Variants in SORCS2 observed in about 807,000 individuals in gnomAD.
SORCS2 encodes sortilin related VPS10 domain containing receptor 2.
SORCS2 carries 100 observed loss-of-function variants against 141.6 expected under a neutral mutation model. The ratio of observed to expected loss-of-function variants is 0.71; its 90% CI spans 0.60 to 0.83. SORCS2 has a LOEUF of 0.83. Ranked by LOEUF, SORCS2 falls within the 40% of genes least tolerant of loss-of-function variation. The pLI is 0.00. For synonymous variants in SORCS2, 789 were observed against 676.9 expected, an observed-to-expected ratio of 1.17 and a Z score of -2.57; for missense variants, 1,646 against 1,560.2, an observed-to-expected ratio of 1.05 and a Z score of -0.93.
chr4:7,194,027 A>T (rs1488356063), intron 1 of SORCS2, among the ~76,000 whole-genome samples: 1 of 150,884 alleles, frequency 6.6e-6, no homozygotes, highest in African/African-American at 2.4e-5. Flanking sequence ...CCCCACCCCC[A>T]CAAAAGGGCC....
At position 7,428,110 on chromosome 4, in the gene SORCS2, G is replaced by A. The variant is rs150217449; in HGVS notation, c.548+31755G>A. 2.6e-3 allele frequency among the ~76,000 whole-genome samples: 398 copies of A among 152,296 alleles called. 1 individual carries two copies. Among genetic ancestry groups the A allele is most frequent in the African/African-American group, 9.2e-3 (381 of 41,572 alleles). ...GTCCTGGGGTGGGGCCCATCTGCCCGTGGCTTCACCTGGACCATGGAGGAC... is the reference window on the plus strand; with the variant it reads ...GTCCTGGGGTGGGGCCCATCTGCCCATGGCTTCACCTGGACCATGGAGGAC... On this transcript the variant is annotated intron_variant, in intron 2 of 26. Coordinates refer to ENST00000507866, the MANE Select transcript of SORCS2 (RefSeq NM_020777.3).
chr4:7,309,208 A>G (rs984326927), intron 1 of SORCS2, among the ~76,000 whole-genome samples: 3 of 152,120 alleles, frequency 2.0e-5, no homozygotes, highest in Non-Finnish European at 4.4e-5. Context: ...CCTGTGTGCA[A>G]GTGTGGAAGC....
At chr4:7,500,619 A>G (rs62280184) in intron 2 of SORCS2, among the ~76,000 whole-genome samples, 44 of 100,876 alleles carry the variant, frequency 4.4e-4, no homozygotes, top group African/African-American at 2.4e-3. Flanking sequence ...TAACCACAGA[A>G]AGCACCAGTG....
chr4:7,375,108 C>A (rs1722554476), intron 1 of SORCS2, among the ~76,000 whole-genome samples: 1 of 152,138 alleles, frequency 6.6e-6, no homozygotes. Flanking sequence ...TTGGAGGCTG[C>A]CTTGTCTAAC....
At chr4:7,655,695 G>A (rs1257478745) in intron 5 of SORCS2, among the ~76,000 whole-genome samples, 1 of 152,232 alleles carries the variant, frequency 6.6e-6, no homozygotes, top group Admixed American at 6.5e-5. Context: ...TCCATCACTG[G>A]CCTTGTCATT....
intron 5 of SORCS2, among the ~76,000 whole-genome samples, chr4:7,656,944 CCCCGGCCAGCT>C (rs1721817119): frequency 6.6e-6 from 1 of 152,266 alleles, no homozygotes; most frequent in South Asian, 2.1e-4. Flanking sequence ...GGCCGCCTGC[CCCCGGCCAGCT>C]CACTGGCCTG....
chr4:7,594,097 C>A (rs559122112), intron 3 of SORCS2, among the ~76,000 whole-genome samples: 1 of 152,330 alleles, frequency 6.6e-6, no homozygotes, highest in East Asian at 1.9e-4. Flanking sequence ...CCTGCCCTCA[C>A]AATGCCCCCA....
intron 2 of SORCS2, among the ~76,000 whole-genome samples, chr4:7,472,870 G>T (rs1049326198): frequency 6.6e-6 from 1 of 152,002 alleles, no homozygotes; most frequent in Non-Finnish European, 1.5e-5. Context: ...CGCTCAGATG[G>T]TGAAGAAGAA....
intron 1 of SORCS2, among the ~76,000 whole-genome samples, chr4:7,391,648 C>T (rs578252356): frequency 5.9e-5 from 9 of 152,098 alleles, no homozygotes; most frequent in East Asian, 3.9e-4. Context: ...TGGAATAAAG[C>T]GAGAGTCAGT....
chr4:7,252,300 T>A (rs999903862), intron 1 of SORCS2, among the ~76,000 whole-genome samples: 10 of 151,200 alleles, frequency 6.6e-5, no homozygotes, highest in Non-Finnish European at 1.3e-4. Flanking sequence ...GAGGGGCCAG[T>A]GTGGCTGGGA....
At chr4:7,543,739 TCCACCCATCCACCCATCCAC>T (rs1560373102) in intron 3 of SORCS2, among the ~76,000 whole-genome samples, 47 of 71,394 alleles carry the variant, frequency 6.6e-4, no homozygotes, top group African/African-American at 1.2e-3. Flanking sequence ...CATCCACCCA[TCCACCCATCCACCCATCCAC>T]CCACCCATCC....
chr4:7,718,157 G>T lies in SORCS2; in HGVS notation c.2398G>T (p.Val800Phe). Reference protein sequence around the residue: ...EAVAVRPGEDVLFVVRQEQGD... With the variant: ...EAVAVRPGEDFLFVVRQEQGD... ...GGTGGCCGTGCGGCCTGGAGAGGAC[G>T]TCCTGTTTGTGGTGCGGCAGGAGCA... is the stretch of plus-strand genomic sequence containing the variant. The change falls in exon 18 of 27, where the codon GTC becomes TTC. Residue 800 changes from valine (V) to phenylalanine (F), a missense_variant. Val to Phe is a conservative substitution (Grantham distance 50). Coordinates refer to ENST00000507866, the MANE Select transcript of SORCS2 (RefSeq NM_020777.3). 2 of 1,611,222 alleles carry T rather than the reference G, an allele frequency of 1.2e-6. No homozygotes were observed. The highest frequency in any genetic ancestry group is 1.7e-6 in the Non-Finnish European group (2 of 1,179,258).
At chr4:7,528,234 T>A (rs1425100953) in intron 2 of SORCS2, among the ~76,000 whole-genome samples, 1 of 152,098 alleles carries the variant, frequency 6.6e-6, no homozygotes, top group Admixed American at 6.6e-5. Flanking sequence ...AGGCCCGTAG[T>A]ATGGGCCTTA....
chr4:7,716,790 G>A (rs549870789), intron 17 of SORCS2, among the ~76,000 whole-genome samples: 197 of 152,336 alleles, frequency 1.3e-3, no homozygotes, highest in Middle Eastern at 3.4e-3. Context: ...CTTGACAACA[G>A]GGACTCTTGT....
chr4:7,719,638 G>A (rs1726440179), intron 18 of SORCS2, among the ~76,000 whole-genome samples: 1 of 152,192 alleles, frequency 6.6e-6, no homozygotes, highest in South Asian at 2.1e-4. Context: ...CAGCATCTTG[G>A]GGCGGCAGGA....
chr4:7,217,020 A>T, intron 1 of SORCS2, among the ~76,000 whole-genome samples: 1 of 86,780 alleles, frequency 1.2e-5, no homozygotes, highest in Admixed American at 1.1e-4. Context: ...CAATCCTCCG[A>T]CCGCACTACA....
At position 7,695,707 on chromosome 4, in the gene SORCS2, G is replaced by A. The variant is rs1217493863; in HGVS notation, c.1592-1491G>A. On this transcript the variant is annotated intron_variant, in intron 11 of 26. Coordinates refer to ENST00000507866, the MANE Select transcript of SORCS2 (RefSeq NM_020777.3). ...GGATGGGTGGATTGGTGGGTGGGTG[G>A]ATGGATGGATGGATGGATGGATGGA... Among the ~76,000 whole-genome samples, 22 of 6,642 alleles carry A rather than the reference G, an allele frequency of 3.3e-3. 9 individuals are homozygous for A. Among genetic ancestry groups the A allele is most frequent in the African/African-American group, 0.014 (22 of 1,554 alleles). 4.4% of individuals were successfully genotyped at this position (6,642 alleles called of 152,430 possible).
intron 2 of SORCS2, among the ~76,000 whole-genome samples, chr4:7,465,418 G>T (rs577552502): frequency 8.5e-4 from 130 of 152,306 alleles, no homozygotes; most frequent in Non-Finnish European, 1.5e-3. Context: ...TGGGAGGGGA[G>T]GGTGAGTGGG....
At chr4:7,634,507 T>G (rs975086637) in intron 3 of SORCS2, among the ~76,000 whole-genome samples, 4 of 152,186 alleles carry the variant, frequency 2.6e-5, no homozygotes, top group African/African-American at 4.8e-5. Context: ...CAGTCTCCAA[T>G]TACAACTAAA....
Sources: gnomAD v4.1 joint callset for allele counts (sites outside exome capture counted in the v4.1 genomes callset) on GRCh38, gnomAD v4.1.1 for gene constraint, MANE v1.5 for transcripts, NCBI Gene and HGNC (gene_info 2026-07-23, HGNC 2026-07-21) for gene names.